The following DCX variants were observed in gnomAD, a reference collection of about 807,000 sequenced individuals.
DCX encodes doublecortin.
In DCX, 4 loss-of-function variants were observed where a neutral mutation model predicts 20.9. The ratio of observed to expected loss-of-function variants is 0.19; its 90% CI spans 0.09 to 0.44. The LOEUF (loss-of-function observed/expected upper bound fraction) is 0.44, where lower values mean the gene tolerates loss of function less well. Among genes scored for constraint, DCX ranks in the 20% least tolerant of loss-of-function variants. The probability of loss-of-function intolerance (pLI) is 0.99; values close to 1 mark genes in which losing one functional copy is unlikely to be tolerated. For synonymous variants in DCX, 103 were observed against 111.4 expected, an observed-to-expected ratio of 0.92 and a Z score of 0.47; for missense variants, 133 against 296.9, an observed-to-expected ratio of 0.45 and a Z score of 4.06.
At chrX:111,373,055 GAAA>G (rs1400820513) in intron 3 of DCX, among the ~76,000 whole-genome samples, 85 of 100,785 alleles carry the variant, frequency 8.4e-4, no homozygotes, top group African/African-American at 3.2e-3. Flanking sequence ...ATAACACAAT[GAAA>G]TGAAATGAAA....
In DCX at chrX:111,301,423, T is replaced by C; in HGVS notation, c.*264A>G. 1 of 415,677 alleles carries C rather than the reference T, an allele frequency of 2.4e-6. No individual in the cohort carries two copies. The highest frequency in any genetic ancestry group is 4.1e-5 in the East Asian group (1 of 24,346). 34.3% of individuals were successfully genotyped at this position (415,677 alleles called of 1,213,427 possible). On this transcript the variant is annotated 3_prime_UTR_variant, in exon 7 of 7. Transcript: ENST00000636035. ...AGCTTTCCATTGAAAGGTCATGGAC[T>C]AGCACATTTTGCATCCCTGGAATGC...
At chrX:111,394,005 A>C (rs1603422479) in intron 3 of DCX, among the ~76,000 whole-genome samples, 1 of 111,991 alleles carries the variant, frequency 8.9e-6, no homozygotes, top group East Asian at 2.8e-4. Context: ...TACCCGAGAT[A>C]AATGAAGACA....
chrX:111,410,310 G>C lies in DCX; in HGVS notation c.89C>G (p.Thr30Ser). 3 of 1,211,519 alleles carry C rather than the reference G, an allele frequency of 2.5e-6. No homozygotes were observed. The highest frequency in any genetic ancestry group is 3.4e-6 in the Non-Finnish European group (3 of 895,515). The change falls in exon 2 of 7, where the codon ACT (threonine) becomes AGT (serine). Residue 30 changes from threonine to serine, a missense_variant. Physicochemically the swap from Thr to Ser is moderately conservative, Grantham distance 58. Around this residue, in one of 2 missense-constraint regions of DCX, gnomAD observed 65 missense variants for 212.6 expected, o/e 0.31. Coordinates refer to ENST00000636035, the MANE Select transcript of DCX (RefSeq NM_001195553.2). Reference protein sequence around the residue: ...GSRMNGLPSPTHSAHCSFYRT... With the variant: ...GSRMNGLPSPSHSAHCSFYRT... ...GTAGAAGCTACAGTGGGCGCTGTGA[G>C]TGGGGCTAGGCAACCCATTCATCCG...
rs757397127 is a variant in DCX, at chrX:111,411,018, C to T, written c.-22-598G>A. Reference sequence around the variant, plus strand: ...TCCTACTCTAATGTGTGCATCCCCTCCCCCCAGAATAAACTAAGATTCTCC... The same window carrying T: ...TCCTACTCTAATGTGTGCATCCCCTTCCCCCAGAATAAACTAAGATTCTCC... On this transcript the variant is annotated intron_variant, in intron 1 of 6. Transcript: ENST00000636035. 314 of 1,083,726 alleles carry T rather than the reference C, an allele frequency of 2.9e-4. 3 individuals carry two copies. The East Asian group carries it at 7.0e-3, about 24-fold the overall frequency. 89.3% of individuals were successfully genotyped at this position (1,083,726 alleles called of 1,213,427 possible). A position where few individuals can be genotyped will look rare whatever the true frequency, so the allele number is the denominator to read the frequency against.
chrX:111,321,982 A>G (rs760911468), intron 5 of DCX, among the ~76,000 whole-genome samples: 1 of 112,222 alleles, frequency 8.9e-6, no homozygotes, highest in Non-Finnish European at 1.9e-5. Flanking sequence ...CCTAAGCCCA[A>G]CATTTGAGCC....
intron 3 of DCX, among the ~76,000 whole-genome samples, chrX:111,396,612 G>A (rs1569496895): frequency 8.9e-6 from 1 of 112,048 alleles, no homozygotes; most frequent in East Asian, 2.8e-4. Context: ...AGAAATTTGG[G>A]TCCCAGTTTT....
At chrX:111,332,322 G>T (rs1341808610) in intron 4 of DCX, among the ~76,000 whole-genome samples, 1 of 112,114 alleles carries the variant, frequency 8.9e-6, no homozygotes, top group Non-Finnish European at 1.9e-5. Context: ...CTCTTACAGG[G>T]TTCTTGTCAC....
At chrX:111,356,233 G>C (rs963879005) in intron 3 of DCX, among the ~76,000 whole-genome samples, 2 of 112,607 alleles carry the variant, frequency 1.8e-5, no homozygotes. Flanking sequence ...CTTTTCTTTT[G>C]ATAACTATAC....
At chrX:111,325,036 G>A (rs2147620520) in intron 5 of DCX, among the ~76,000 whole-genome samples, 1 of 111,848 alleles carries the variant, frequency 8.9e-6, no homozygotes, top group East Asian at 2.8e-4. Context: ...TCTTCCCACA[G>A]CTCTGTCAAG....
intron 3 of DCX, among the ~76,000 whole-genome samples, chrX:111,367,110 G>C (rs1009210347): frequency 8.9e-6 from 1 of 111,800 alleles, no homozygotes; most frequent in South Asian, 3.8e-4. Context: ...TTCTCATCTG[G>C]TCCAGGTTTC....
intron 2 of DCX, among the ~76,000 whole-genome samples, chrX:111,401,677 G>A (rs1277331418): frequency 8.9e-6 from 1 of 112,127 alleles, no homozygotes; most frequent in Non-Finnish European, 1.9e-5. Flanking sequence ...AGGATGTTTA[G>A]CTTTCAGGGG....
chrX:111,394,198 T>G (rs1040520530), intron 3 of DCX, among the ~76,000 whole-genome samples: 4 of 112,001 alleles, frequency 3.6e-5, no homozygotes, highest in Non-Finnish European at 7.5e-5. Context: ...ACAACATGGA[T>G]GAACCTTGAA....
At chrX:111,316,086 TAAAAAAAAAAAAAA>T (rs754058802) in intron 5 of DCX, among the ~76,000 whole-genome samples, 7 of 50,658 alleles carry the variant, frequency 1.4e-4, no homozygotes, top group Admixed American at 7.0e-4. Context: ...TAATAAAAAA[TAAAAAAAAAAAAAA>T]AAAAAAAAAA....
chrX:111,333,389 A>G (rs1303068575), intron 3 of DCX, among the ~76,000 whole-genome samples: 1 of 111,534 alleles, frequency 9.0e-6, no homozygotes, highest in East Asian at 2.8e-4. Context: ...CAATTGCATC[A>G]AGAGTAAGAC....
intron 3 of DCX, among the ~76,000 whole-genome samples, chrX:111,365,311 T>A (rs1038301013): frequency 9.1e-6 from 1 of 109,658 alleles, no homozygotes; most frequent in South Asian, 3.9e-4. Context: ...TATATTAAAA[T>A]TTTGTGTGTG....
chrX:111,372,524 G>A (rs957234298), intron 3 of DCX, among the ~76,000 whole-genome samples: 2 of 111,518 alleles, frequency 1.8e-5, no homozygotes, highest in South Asian at 3.8e-4. Context: ...CATCAGAGTC[G>A]TCCATTTTTT....
Position 111,401,136 on chromosome X carries a change from T to G in DCX, c.559A>C (p.Ser187Arg). The G allele has an allele frequency of 8.3e-7, 1 of 1,211,423 alleles. No homozygotes were observed. The highest frequency in any genetic ancestry group is 1.1e-6 in the Non-Finnish European group (1 of 895,437). ...VRPKLVTIIR[S>R]GVKPRKAVRV... ...ACAGCCTTCCGAGGCTTCACCCCAC[T>G]GCGGATGATGGTAACCAGCTTGGGG... The change falls in exon 3 of 7, where the codon AGT (serine) becomes CGT (arginine). Residue 187 changes from serine to arginine, a missense_variant. This residue lies in a region of DCX where 65 missense variants were observed against 212.6 expected (regional missense o/e 0.31). Transcript: ENST00000636035.
chrX:111,364,907 C>T (rs770139446), intron 3 of DCX, among the ~76,000 whole-genome samples: 23 of 108,868 alleles, frequency 2.1e-4, no homozygotes, highest in African/African-American at 6.7e-4. Flanking sequence ...TGTTTTGAGA[C>T]GGGGTCTCAC....
rs184175795 is a variant in DCX, at chrX:111,306,022, C to T, written c.1045-4279G>A. ...TAAAAGGCAAGCATCAAGTAATGAA[C>T]GAAAAATGATATAACATATATAGAA... On this transcript the variant is annotated intron_variant, in intron 6 of 6. Transcript: ENST00000636035. 2.5e-3 allele frequency among the ~76,000 whole-genome samples: 277 copies of T among 110,658 alleles called. 1 individual carries two copies. The highest frequency in any genetic ancestry group is 8.7e-3 in the African/African-American group (264 of 30,504).
Sources: gnomAD v4.1 joint callset for allele counts (sites outside exome capture counted in the v4.1 genomes callset) on GRCh38, gnomAD v4.1.1 for gene constraint, gnomAD v4.1.1 regional missense constraint, MANE v1.5 for transcripts, NCBI Gene and HGNC (gene_info 2026-07-23, HGNC 2026-07-21) for gene names.